The following EFR3A variants were observed in gnomAD, a reference collection of about 807,000 sequenced individuals.
EFR3A encodes EFR3 homolog A, also known as protein EFR3 homolog A.
A neutral mutation model predicts 104.4 loss-of-function variants in EFR3A; 76 were observed. The ratio of observed to expected loss-of-function variants is 0.73; its 90% CI spans 0.60 to 0.88. The LOEUF (loss-of-function observed/expected upper bound fraction) is 0.88, where lower values mean the gene tolerates loss of function less well. EFR3A is among the 40% of genes least tolerant of loss of function. EFR3A has a pLI of 0.00. For missense variants in EFR3A, 985 were observed against 1,012.5 expected (o/e 0.97, Z 0.37); for synonymous variants, 330 against 330.0 (o/e 1.00, Z 0.00).
chr8:131,998,697 A>C (rs977191706), intron 19 of EFR3A, among the ~76,000 whole-genome samples: 1 of 152,082 alleles, frequency 6.6e-6, no homozygotes, highest in African/African-American at 2.4e-5. Flanking sequence ...ATGCCATAAA[A>C]TGTATTATTG....
chr8:131,970,289 A>G (rs1305971321), intron 9 of EFR3A, among the ~76,000 whole-genome samples, 187 bp from the exon 10 acceptor site: 1 of 152,110 alleles, frequency 6.6e-6, no homozygotes, highest in Non-Finnish European at 1.5e-5. Flanking sequence ...GTTTGTTGTT[A>G]TAATGAGTGT....
chr8:131,909,798 C>T (rs1259148237), intron 1 of EFR3A, among the ~76,000 whole-genome samples: 1 of 152,176 alleles, frequency 6.6e-6, no homozygotes, highest in Non-Finnish European at 1.5e-5. Flanking sequence ...CCTCCTGCCC[C>T]AAGCTTCTGT....
chr8:132,010,409 T>C (rs1281641607), intron 22 of EFR3A, among the ~76,000 whole-genome samples: 1 of 10,062 alleles, frequency 9.9e-5, no homozygotes. Flanking sequence ...AAGTATGAGA[T>C]ATATATATAT....
chr8:131,952,702 C>T (rs1818770206), intron 5 of EFR3A, among the ~76,000 whole-genome samples: 1 of 152,140 alleles, frequency 6.6e-6, no homozygotes, highest in Non-Finnish European at 1.5e-5. Context: ...TGTATAGACA[C>T]GGCTTTGAAA....
intron 14 of EFR3A, among the ~76,000 whole-genome samples, chr8:131,980,612 T>G (rs1820559428): frequency 6.6e-6 from 1 of 152,146 alleles, no homozygotes; most frequent in Non-Finnish European, 1.5e-5. Context: ...AAAGTTTAAA[T>G]CCAGCTAATT....
intron 1 of EFR3A, among the ~76,000 whole-genome samples, chr8:131,918,060 G>A (rs1014173771): frequency 3.3e-5 from 5 of 152,162 alleles, no homozygotes; most frequent in South Asian, 2.1e-4. Flanking sequence ...AGGCAGAGAC[G>A]GGCAGATCAC....
intron 12 of EFR3A, 44 bp downstream of exon 12, chr8:131,977,136 T>G (rs1820363465): frequency 7.2e-7 from 1 of 1,387,074 alleles, no homozygotes; most frequent in Non-Finnish European, 1.0e-6. Context: ...AACCTTAAAT[T>G]ACTGAAAACA....
At position 131,940,562 on chromosome 8, in the gene EFR3A, C is replaced by T. The variant is rs1416913987; in HGVS notation, c.74C>T (p.Pro25Leu). 2.5e-6 allele frequency: 4 copies of T among 1,608,342 alleles called. No homozygotes were observed. Among genetic ancestry groups the T allele is most frequent in the Non-Finnish European group, 3.4e-6 (4 of 1,177,376 alleles). Residue 25 changes from proline to leucine, a missense_variant, in exon 2 of 23, where the codon CCT becomes CTT. Coordinates refer to ENST00000254624, the MANE Select transcript of EFR3A (RefSeq NM_015137.6). ...AAACGCCTGGTGGACAACATATTCC[C>T]TGAAGATCCAAAAGTAATTTGATCT... ...RYKRLVDNIF[P>L]EDPKDGLVKT...
intron 4 of EFR3A, among the ~76,000 whole-genome samples, chr8:131,947,026 G>A (rs1036815716): frequency 1.3e-5 from 2 of 151,918 alleles, no homozygotes; most frequent in Admixed American, 6.6e-5. Context: ...TTTTTGTGTG[G>A]ATGTATGTTT....
rs141335723 is a variant in EFR3A, at chr8:131,995,195, T to A, written c.2066-1211T>A. 4.0e-4 allele frequency among the ~76,000 whole-genome samples: 61 copies of A among 152,284 alleles called. 1 individual carries two copies. Among genetic ancestry groups the A allele is most frequent in the African/African-American group, 1.4e-3 (59 of 41,550 alleles). ...TTCTTGAGAATTACCATCTCCATGC[T>A]GCAGACTGAGACTATCCGATGGCTA... On this transcript the variant is annotated intron_variant, in intron 18 of 22. Transcript: ENST00000254624.
At position 132,012,967 on chromosome 8, in the gene EFR3A, G is replaced by A. The variant is rs1281318999; in HGVS notation, c.*2072G>A. ...TTGTTACTGTTTTTAAATTACAGTA[G>A]GCTTCTATATATCCTGGATTTCTGA... is the stretch of plus-strand genomic sequence containing the variant. On this transcript the variant is annotated 3_prime_UTR_variant, in exon 23 of 23. Transcript: ENST00000254624. 1 of 152,066 alleles carries A rather than the reference G, an allele frequency of 6.6e-6. No individual in the cohort carries two copies. The highest frequency in any genetic ancestry group is 2.4e-5 in the African/African-American group (1 of 41,402). The allele number at this position is 152,066 out of a possible 1,614,324, so 9.4% of individuals were successfully genotyped here. A position where few individuals can be genotyped will look rare whatever the true frequency, so the allele number is the denominator to read the frequency against.
At chr8:131,967,020 C>T (rs571991664) in intron 8 of EFR3A, among the ~76,000 whole-genome samples, 114 of 152,260 alleles carry the variant, frequency 7.5e-4, no homozygotes, top group African/African-American at 2.5e-3. Context: ...TCACTCTCTG[C>T]AGTGTCCCCA....
chr8:131,993,144 G>T (rs1472418482), intron 18 of EFR3A, among the ~76,000 whole-genome samples: 4 of 152,140 alleles, frequency 2.6e-5, no homozygotes, highest in African/African-American at 9.7e-5. Context: ...CCCACAACAA[G>T]AATTATGTGG....
chr8:131,924,673 G>C (rs1446894499), intron 1 of EFR3A, among the ~76,000 whole-genome samples: 1 of 151,946 alleles, frequency 6.6e-6, no homozygotes, highest in Non-Finnish European at 1.5e-5. Flanking sequence ...TTCTTCAAAG[G>C]CTAGCTCAAA....
chr8:132,003,094 C>T (rs1410511529), intron 21 of EFR3A, 142 bp from the exon 22 acceptor site: 4 of 662,786 alleles, frequency 6.0e-6, no homozygotes, highest in African/African-American at 1.8e-5. Context: ...ACAGATCAAA[C>T]CAAAACTTTA....
At chr8:131,977,566 A>G (rs1820388258) in intron 12 of EFR3A, among the ~76,000 whole-genome samples, 1 of 152,220 alleles carries the variant, frequency 6.6e-6, no homozygotes, top group Non-Finnish European at 1.5e-5. Flanking sequence ...CTGAAAAGGA[A>G]AAGTATACCC....
intron 10 of EFR3A, among the ~76,000 whole-genome samples, chr8:131,972,487 A>G (rs1820120027): frequency 6.6e-6 from 1 of 151,822 alleles, no homozygotes; most frequent in African/African-American, 2.4e-5. Context: ...TCTGTAGTCA[A>G]AGTACAAACA....
chr8:131,925,397 C>G (rs1014036689), intron 1 of EFR3A, among the ~76,000 whole-genome samples: 3 of 152,060 alleles, frequency 2.0e-5, no homozygotes, highest in African/African-American at 7.2e-5. Flanking sequence ...TGGGGCAAAA[C>G]GTCCTTCAAT....
intron 4 of EFR3A, among the ~76,000 whole-genome samples, chr8:131,948,786 C>T (rs1301374770): frequency 1.3e-5 from 2 of 152,118 alleles, no homozygotes; most frequent in African/African-American, 4.8e-5. Flanking sequence ...TCTTGACCAA[C>T]ATTAATTACC....
Sources: gnomAD v4.1 joint callset for allele counts (sites outside exome capture counted in the v4.1 genomes callset) on GRCh38, gnomAD v4.1.1 for gene constraint, MANE v1.5 for transcripts, NCBI Gene and HGNC (gene_info 2026-07-23, HGNC 2026-07-21) for gene names.